The following PCDHGA4 variants were observed in gnomAD, a reference collection of about 807,000 sequenced individuals.
The protein encoded by PCDHGA4 is protocadherin gamma-A4.
PCDHGA4 carries 38 observed loss-of-function variants against 54.6 expected under a neutral mutation model. That is an observed-to-expected ratio of 0.70 (90% CI 0.54 to 0.91). PCDHGA4 has a LOEUF of 0.91. Ranked by LOEUF, PCDHGA4 falls within the 40% of genes least tolerant of loss-of-function variation. The probability of loss-of-function intolerance (pLI) is 0.00; values close to 1 mark genes in which losing one functional copy is unlikely to be tolerated. For synonymous variants in PCDHGA4, 511 were observed against 512.9 expected (o/e 1.00, Z 0.05); for missense variants, 1,298 against 1,220.9 (o/e 1.06, Z -0.94).
At chr5:141,480,910 T>C (rs985100480) in intron 1 of PCDHGA4, among the ~76,000 whole-genome samples, 5 of 152,106 alleles carry the variant, frequency 3.3e-5, no homozygotes, top group Non-Finnish European at 7.4e-5. Flanking sequence ...CTGGGCATGG[T>C]GGCGCATACC....
chr5:141,399,799 G>A lies in PCDHGA4; in HGVS notation c.2514+42178G>A, dbSNP rs768345936. The A allele has an allele frequency of 8.7e-6, 14 of 1,613,236 alleles. No homozygotes were observed. The South Asian group carries it at 1.5e-4, about 18-fold the overall frequency. On this transcript the variant is annotated intron_variant, in intron 1 of 3. Transcript: ENST00000571252. The stretch of plus-strand genomic sequence containing the variant: ...CGACCGAAACGACAACGCACCGCGG[G>A]TGCTGTACCCCGCGCTGGGTCCCGA...
At chr5:141,430,902 T>C (rs373775073) in intron 1 of PCDHGA4, 4 of 1,606,232 alleles carry the variant, frequency 2.5e-6, no homozygotes, top group Admixed American at 3.4e-5. Context: ...GTGGGCGACA[T>C]CTCCAGGGAC....
At chr5:141,483,790 AGTT>A (rs963139644) in intron 1 of PCDHGA4, among the ~76,000 whole-genome samples, 14 of 152,290 alleles carry the variant, frequency 9.2e-5, no homozygotes, top group African/African-American at 3.4e-4. Flanking sequence ...TAAGAACTCC[AGTT>A]GTTGCTGCTT....
At position 141,489,244 on chromosome 5, in the gene PCDHGA4, G is replaced by A. The variant is rs145484133; in HGVS notation, c.2515-5563G>A. ...TCCACAAAGGGACTTCTGGGTCATG[G>A]GGCCCAAGACACTCCCACAGCTCGC... On this transcript the variant is annotated intron_variant, in intron 1 of 3. Coordinates refer to ENST00000571252, the MANE Select transcript of PCDHGA4 (RefSeq NM_018917.4). This position sits in a 1 kb window ranked among gnomAD's most constrained non-coding sequence, Gnocchi z 4.5. 5 of 1,534,936 alleles carry A rather than the reference G, an allele frequency of 3.3e-6. No individual in the cohort carries two copies. In the African/African-American group the frequency reaches 5.5e-5, roughly 17 times the overall value.
intron 1 of PCDHGA4, chr5:141,424,500 G>A (rs2154550788): frequency 6.6e-6 from 1 of 152,208 alleles, no homozygotes; most frequent in African/African-American, 2.4e-5. Flanking sequence ...TGTATGTATG[G>A]AAGGTTTTTT....
chr5:141,365,896 T>C, intron 1 of PCDHGA4: 3 of 1,614,212 alleles, frequency 1.9e-6, no homozygotes, highest in Non-Finnish European at 2.5e-6. Flanking sequence ...CCTTCGACTA[T>C]GAGCAGTTGA....
chr5:141,484,883 G>GCC (rs1231530221), intron 1 of PCDHGA4: 2 of 352,506 alleles, frequency 5.7e-6, no homozygotes, highest in Admixed American at 9.0e-5. Flanking sequence ...GATAGGGTGG[G>GCC]CTTTTTCCCC....
At position 141,489,219 on chromosome 5, in the gene PCDHGA4, T is replaced by C; in HGVS notation, c.2515-5588T>C. 1 of 1,502,828 alleles carries C rather than the reference T, an allele frequency of 6.7e-7. No homozygotes were observed. Among genetic ancestry groups the C allele is most frequent in the Non-Finnish European group, 8.9e-7 (1 of 1,117,962 alleles). 93.1% of individuals were successfully genotyped at this position (1,502,828 alleles called of 1,614,324 possible). On this transcript the variant is annotated intron_variant, in intron 1 of 3. Transcript: ENST00000571252. This position sits in a 1 kb window ranked among gnomAD's most constrained non-coding sequence, Gnocchi z 4.5. ...GAGACAGGACAGCACAGACTTACTC[T>C]CCACAAAGGGACTTCTGGGTCATGG...
At position 141,477,722 on chromosome 5, in the gene PCDHGA4, A is replaced by G. The variant is rs768705340; in HGVS notation, c.2515-17085A>G. 9.3e-6 allele frequency: 15 copies of G among 1,613,878 alleles called. No homozygotes were observed. In the Middle Eastern group the frequency reaches 6.6e-4, roughly 71 times the overall value. On this transcript the variant is annotated intron_variant, in intron 1 of 3. Transcript: ENST00000571252. The surrounding 1 kb of genome is among the most constrained non-coding windows in gnomAD (Gnocchi z 4.9). ...TGAGGATCGGCGGGAATTTGAATTA[A>G]CAGCTCATATCAGCGATGGGGGCAC...
intron 1 of PCDHGA4, chr5:141,413,021 C>A: frequency 2.8e-6 from 2 of 714,374 alleles, no homozygotes; most frequent in Non-Finnish European, 4.4e-6. Context: ...TACACAAGCC[C>A]CACAAACCGG....
At chr5:141,376,589 C>A in intron 1 of PCDHGA4, 1 of 1,568,198 alleles carries the variant, frequency 6.4e-7, no homozygotes, top group South Asian at 1.2e-5. Context: ...TCAGCTAGAT[C>A]GGCTGTTATA....
In PCDHGA4 at chr5:141,498,823, C is replaced by A. The variant is rs540865523; in HGVS notation, c.2573+3958C>A. ...TGGTGCACACCTGTAGTCCCAGCTA[C>A]TCAGGAGGCTGAGGCAGGGGAATCG... On this transcript the variant is annotated intron_variant, in intron 2 of 3. Coordinates refer to ENST00000571252, the MANE Select transcript of PCDHGA4 (RefSeq NM_018917.4). Among the ~76,000 whole-genome samples the A allele has an allele frequency of 9.2e-5, 14 of 152,166 alleles. No homozygotes were observed. The East Asian group carries it at 1.5e-3, about 17-fold the overall frequency.
intron 1 of PCDHGA4, chr5:141,419,135 G>A (rs2096331504): frequency 3.1e-6 from 5 of 1,613,910 alleles, no homozygotes; most frequent in Non-Finnish European, 4.2e-6. Flanking sequence ...CGCAGCCACA[G>A]ACAGGGGCAA....
intron 1 of PCDHGA4, chr5:141,421,807 G>C (rs1435916603): frequency 6.2e-7 from 1 of 1,613,852 alleles, no homozygotes; most frequent in Admixed American, 1.7e-5. Flanking sequence ...CAAGAATCCA[G>C]AGCTAGTACT....
chr5:141,422,450 G>C (rs748354292), intron 1 of PCDHGA4: 71 of 1,611,564 alleles, frequency 4.4e-5, no homozygotes, highest in Non-Finnish European at 5.9e-5. Flanking sequence ...TTGATAACAA[G>C]CAGAGTGCTG....
At chr5:141,389,655 G>A in intron 1 of PCDHGA4, 1 of 1,612,562 alleles carries the variant, frequency 6.2e-7, no homozygotes, top group South Asian at 1.1e-5. Flanking sequence ...CAAGGTAGTG[G>A]CGGTGGACGC....
intron 2 of PCDHGA4, among the ~76,000 whole-genome samples, chr5:141,503,518 G>A (rs576791899): frequency 6.7e-6 from 1 of 149,524 alleles, no homozygotes; most frequent in East Asian, 2.0e-4. Flanking sequence ...AGAATCACTT[G>A]AACCTGGGAG....
At chr5:141,372,381 A>G in intron 1 of PCDHGA4, 1 of 1,613,964 alleles carries the variant, frequency 6.2e-7, no homozygotes, top group Admixed American at 1.7e-5. Flanking sequence ...GCTGCACCTA[A>G]TCTTCGCAGA....
intron 1 of PCDHGA4, among the ~76,000 whole-genome samples, chr5:141,381,060 A>G (rs1776965046): frequency 6.6e-6 from 1 of 152,246 alleles, no homozygotes; most frequent in South Asian, 2.1e-4. Flanking sequence ...GTGAATGCAA[A>G]GATAACTATG....
Sources: gnomAD v4.1 joint callset for allele counts (sites outside exome capture counted in the v4.1 genomes callset) on GRCh38, gnomAD v4.1.1 for gene constraint, Gnocchi (gnomAD v3.1) non-coding constraint, MANE v1.5 for transcripts, NCBI Gene and HGNC (gene_info 2026-07-23, HGNC 2026-07-21) for gene names.